Variants in CUX2 observed in about 807,000 individuals in gnomAD.
CUX2 encodes homeobox protein cut-like 2.
Under a neutral mutation model 144.8 loss-of-function variants are expected in CUX2, and 40 were observed. That is an observed-to-expected ratio of 0.28 (90% confidence interval 0.21 to 0.36). The LOEUF (loss-of-function observed/expected upper bound fraction) is 0.36. Among genes scored for constraint, CUX2 ranks in the 10% least tolerant of loss-of-function variants. CUX2 has a pLI of 1.00. For missense variants in CUX2, 1,615 were observed against 1,994.0 expected, an observed-to-expected ratio of 0.81 and a Z score of 3.62; for synonymous variants, 827 against 875.6, an observed-to-expected ratio of 0.94 and a Z score of 0.98.
chr12:111,137,302 G>A (rs903885847), intron 1 of CUX2, among the ~76,000 whole-genome samples: 2 of 152,182 alleles, frequency 1.3e-5, no homozygotes, highest in South Asian at 4.1e-4. Context: ...AGAGGCAAGA[G>A]AAGTATTGAC....
At chr12:111,066,687 G>A (rs776663258) in intron 1 of CUX2, among the ~76,000 whole-genome samples, 5 of 152,194 alleles carry the variant, frequency 3.3e-5, no homozygotes, top group Non-Finnish European at 7.4e-5. Context: ...AAATCCCCTT[G>A]CTCTGCTCTA....
At chr12:111,250,754 G>C (rs1883523096) in intron 3 of CUX2, among the ~76,000 whole-genome samples, 1 of 152,186 alleles carries the variant, frequency 6.6e-6, no homozygotes, top group African/African-American at 2.4e-5. Flanking sequence ...GGTTGTTCCT[G>C]CGTGCATGAC....
intron 1 of CUX2, among the ~76,000 whole-genome samples, chr12:111,093,894 C>T (rs1036489443): frequency 1.3e-5 from 2 of 152,188 alleles, no homozygotes; most frequent in African/African-American, 2.4e-5. Flanking sequence ...AGCCTTTGTG[C>T]GGATCTCAAG....
chr12:111,171,033 T>A lies in CUX2; in HGVS notation c.64-43167T>A, dbSNP rs1878489085. On this transcript the variant is annotated intron_variant, in intron 1 of 21. Coordinates refer to ENST00000261726, the MANE Select transcript of CUX2 (RefSeq NM_015267.4). The surrounding 1 kb of genome is among the most constrained non-coding windows in gnomAD (Gnocchi z 5.0). Reference sequence around the variant, plus strand: ...CGCCAGGTAGGGTCCAGCAAGGTGTTCTGGTTGCCCTGGTGATGCCTCTTG... The same window carrying A: ...CGCCAGGTAGGGTCCAGCAAGGTGTACTGGTTGCCCTGGTGATGCCTCTTG... 6.6e-6 allele frequency among the ~76,000 whole-genome samples: 1 copy of A among 152,078 alleles called. No individual in the cohort carries two copies. Among genetic ancestry groups the A allele is most frequent in the Non-Finnish European group, 1.5e-5 (1 of 67,998 alleles).
chr12:111,172,754 C>T (rs1260683233), intron 1 of CUX2, among the ~76,000 whole-genome samples: 2 of 152,188 alleles, frequency 1.3e-5, no homozygotes, highest in African/African-American at 2.4e-5. Flanking sequence ...AACCAGTGAA[C>T]GTTTCTCGAC....
chr12:111,093,192 C>T (rs2136057107), intron 1 of CUX2, among the ~76,000 whole-genome samples: 1 of 152,326 alleles, frequency 6.6e-6, no homozygotes, highest in Admixed American at 6.5e-5. Context: ...AATGCAGGTA[C>T]ATCCACCTCT....
At chr12:111,078,878 C>T (rs774614265) in intron 1 of CUX2, among the ~76,000 whole-genome samples, 4 of 151,884 alleles carry the variant, frequency 2.6e-5, no homozygotes, top group Non-Finnish European at 5.9e-5. Context: ...CGGATGGGTT[C>T]GATCATTCTG....
chr12:111,147,480 G>A (rs549421797), intron 1 of CUX2, among the ~76,000 whole-genome samples: 17 of 152,170 alleles, frequency 1.1e-4, no homozygotes, highest in Admixed American at 9.2e-4. Flanking sequence ...TGCCCAAGGG[G>A]CCCCCTTTCC....
At chr12:111,101,559 G>T (rs1383593478) in intron 1 of CUX2, among the ~76,000 whole-genome samples, 2 of 152,188 alleles carry the variant, frequency 1.3e-5, no homozygotes, top group Non-Finnish European at 2.9e-5. Flanking sequence ...TGGGTGAGTG[G>T]GTAGGGGGAG....
intron 4 of CUX2, among the ~76,000 whole-genome samples, chr12:111,276,643 G>GTTTTGT (rs149780623): frequency 4.0e-5 from 6 of 150,990 alleles, no homozygotes; most frequent in African/African-American, 1.5e-4. Context: ...TTGTTTGTTT[G>GTTTTGT]TTTGTTTTGT....
At chr12:111,087,283 G>T (rs1043861345) in intron 1 of CUX2, among the ~76,000 whole-genome samples, 4 of 139,112 alleles carry the variant, frequency 2.9e-5, no homozygotes, top group Non-Finnish European at 6.0e-5. Flanking sequence ...CAGGAGAATT[G>T]CTTGAACCTG....
In CUX2 at chr12:111,250,586, A is replaced by T. The variant is rs368479025; in HGVS notation, c.223-13175A>T. ...TTGGCAAAACGAGCCTGGCCTTCGG[A>T]GGCTGAGCCTTGGGAAGACATCCTC... On this transcript the variant is annotated intron_variant, in intron 3 of 21. Coordinates refer to ENST00000261726, the MANE Select transcript of CUX2 (RefSeq NM_015267.4). 2.6e-5 allele frequency among the ~76,000 whole-genome samples: 4 copies of T among 152,350 alleles called. No individual in the cohort carries two copies. In the East Asian group the frequency reaches 7.7e-4, roughly 29 times the overall value.
intron 1 of CUX2, among the ~76,000 whole-genome samples, chr12:111,041,859 C>G (rs961944993): frequency 6.6e-6 from 1 of 152,194 alleles, no homozygotes; most frequent in Non-Finnish European, 1.5e-5. Flanking sequence ...GCTGCATTTC[C>G]AGAACAAATG....
At chr12:111,122,288 A>G (rs1345674007) in intron 1 of CUX2, among the ~76,000 whole-genome samples, 1 of 152,040 alleles carries the variant, frequency 6.6e-6, no homozygotes, top group Non-Finnish European at 1.5e-5. Flanking sequence ...GAGGAATAAG[A>G]CTCTTTACAA....
chr12:111,206,807 T>C (rs1007927851), intron 1 of CUX2, among the ~76,000 whole-genome samples: 1 of 152,222 alleles, frequency 6.6e-6, no homozygotes, highest in Non-Finnish European at 1.5e-5. Context: ...CTTTTCTAGA[T>C]GATCAACTGT....
chr12:111,254,045 A>G (rs1159534618), intron 3 of CUX2, among the ~76,000 whole-genome samples: 1 of 152,076 alleles, frequency 6.6e-6, no homozygotes, highest in African/African-American at 2.4e-5. Flanking sequence ...CAATTTTTTT[A>G]AATGTTAGTC....
intron 3 of CUX2, among the ~76,000 whole-genome samples, chr12:111,225,992 G>T (rs112070544): frequency 1.3e-5 from 2 of 152,254 alleles, no homozygotes; most frequent in African/African-American, 4.8e-5. Context: ...TTCCGCTGCC[G>T]GAGTGCAGCA....
intron 1 of CUX2, among the ~76,000 whole-genome samples, chr12:111,074,746 G>A (rs1871427926): frequency 6.6e-6 from 1 of 152,056 alleles, no homozygotes; most frequent in Non-Finnish European, 1.5e-5. Flanking sequence ...AGGAAAACAG[G>A]CAGCGGGTAA....
At chr12:111,336,121 G>A (rs10774619) in intron 19 of CUX2, among the ~76,000 whole-genome samples, 65,413 of 151,922 alleles carry the variant, frequency 0.43, 18,445 homozygotes, top group East Asian at 0.93. Context: ...GAGAACCCCA[G>A]TCACTGCGGA....
Sources: allele counts gnomAD v4.1 joint callset (sites outside exome capture counted in the v4.1 genomes callset), GRCh38; gene constraint gnomAD v4.1.1; non-coding constraint Gnocchi (gnomAD v3.1); transcripts MANE v1.5; gene names NCBI Gene and HGNC (gene_info 2026-07-23, HGNC 2026-07-21).